The following ZC3HAV1 variants were observed in gnomAD, a reference collection of about 807,000 sequenced individuals.
The protein encoded by ZC3HAV1 is zinc finger CCCH-type antiviral protein 1.
Under a neutral mutation model 86.6 loss-of-function variants are expected in ZC3HAV1, and 41 were observed. The ratio of observed to expected loss-of-function variants is 0.47; its 90% CI spans 0.37 to 0.61. The LOEUF is 0.61. Among genes scored for constraint, ZC3HAV1 ranks in the 20% least tolerant of loss-of-function variants. The pLI, the probability that ZC3HAV1 is intolerant of heterozygous loss-of-function variation, is 0.00. For missense variants in ZC3HAV1, 964 were observed against 1,141.1 expected, an observed-to-expected ratio of 0.84 and a Z score of 2.24; for synonymous variants, 421 against 432.1, an observed-to-expected ratio of 0.97 and a Z score of 0.32.
In ZC3HAV1 at chr7:139,076,383, G is replaced by C; in HGVS notation, c.1600C>G (p.Leu534Val). The C allele has an allele frequency of 6.2e-7, 1 of 1,614,142 alleles. No individual in the cohort carries two copies. Among genetic ancestry groups the C allele is most frequent in the Non-Finnish European group, 8.5e-7 (1 of 1,180,010 alleles). ...ATAAGCATCTGCCACCGGTAAGGCA[G>C]ATGGAAGTGGACTTTGCTGCAGCTA... is the stretch of plus-strand genomic sequence containing the variant. ...NGSCSKVHFHLPYRWQMLIGK... is the reference protein window; with the variant it reads ...NGSCSKVHFHVPYRWQMLIGK... Residue 534 changes from leucine to valine, a missense_variant, in exon 6 of 13, where the codon CTG (leucine) becomes GTG (valine). Leu to Val is a conservative substitution (Grantham distance 32, BLOSUM62 1). Transcript: ENST00000242351.
chr7:139,102,374 C>A lies in ZC3HAV1; in HGVS notation c.308+6650G>T, dbSNP rs577827663. ...CGAACCCCTGACTTCAAGAGATTCT[C>A]CCACCTCGGCCTCTTGAAGTACTGG... On this transcript the variant is annotated intron_variant, in intron 1 of 12. Transcript: ENST00000242351. 5.9e-5 allele frequency among the ~76,000 whole-genome samples: 9 copies of A among 152,242 alleles called. No individual in the cohort carries two copies. The South Asian group carries it at 1.9e-3, about 32-fold the overall frequency.
chr7:139,089,487 A>T, intron 2 of ZC3HAV1, 137 bp downstream of exon 2: 1 of 1,133,874 alleles, frequency 8.8e-7, no homozygotes, highest in Non-Finnish European at 1.2e-6. Context: ...CTCTTAGTTC[A>T]CTCAATAACA....
intron 1 of ZC3HAV1, among the ~76,000 whole-genome samples, chr7:139,095,636 G>A (rs778122680): frequency 3.9e-5 from 6 of 152,210 alleles, no homozygotes; most frequent in East Asian, 1.9e-4. Context: ...AGGGGAGGCC[G>A]GAGGCCAAGA....
At chr7:139,097,024 AGGTGGGAGGATTGCTT>A (rs937370876) in intron 1 of ZC3HAV1, among the ~76,000 whole-genome samples, 109 of 151,968 alleles carry the variant, frequency 7.2e-4, no homozygotes, top group African/African-American at 2.3e-3. Context: ...TTCAGAGCTG[AGGTGGGAGGATTGCTT>A]GGTGGGAGGA....
intron 1 of ZC3HAV1, among the ~76,000 whole-genome samples, chr7:139,105,122 G>C (rs909446489): frequency 1.3e-5 from 2 of 152,018 alleles, no homozygotes; most frequent in African/African-American, 2.4e-5. Context: ...GCTGAGGGAG[G>C]AGGATCATCT....
At chr7:139,079,002 T>C (rs1817040056) in intron 4 of ZC3HAV1, 12 of 1,460,880 alleles carry the variant, frequency 8.2e-6, no homozygotes, top group South Asian at 4.0e-5. Flanking sequence ...TCTAACTCTC[T>C]ACCCTTTAAG....
intron 1 of ZC3HAV1, among the ~76,000 whole-genome samples, chr7:139,100,489 G>T (rs1434965984): frequency 6.6e-6 from 1 of 151,578 alleles, no homozygotes; most frequent in South Asian, 2.1e-4. Flanking sequence ...AACCGAGATT[G>T]CACCACTGCA....
At chr7:139,077,351 C>A (rs1816982771) in intron 5 of ZC3HAV1, among the ~76,000 whole-genome samples, 1 of 152,196 alleles carries the variant, frequency 6.6e-6, no homozygotes. Flanking sequence ...TCAAGAAATT[C>A]TCCTGCCTCA....
chr7:139,047,733 T>C lies in ZC3HAV1; in HGVS notation c.2570A>G (p.Tyr857Cys). 1 of 1,614,210 alleles carries C rather than the reference T, an allele frequency of 6.2e-7. No individual in the cohort carries two copies. The highest frequency in any genetic ancestry group is 1.6e-4 in the Middle Eastern group (1 of 6,062). The change falls in exon 13 of 13, where the codon TAC becomes TGC. Residue 857 changes from tyrosine (Y) to cysteine (C), a missense_variant. Transcript: ENST00000242351. ...VGKFTEGNIT[Y>C]TSPPPQFDSC... ...GTCGAACTGTGGAGGAGGGCTCGTG[T>C]ACGTTATATTTCCTTCAGTAAACTT...
In ZC3HAV1 at chr7:139,097,591, C is replaced by T. The variant is rs6947438; in HGVS notation, c.309-7832G>A. 8.1e-3 allele frequency among the ~76,000 whole-genome samples: 1,202 copies of T among 149,034 alleles called. 22 individuals are homozygous for T. The highest frequency in any genetic ancestry group is 0.028 in the African/African-American group (1,144 of 40,396). On this transcript the variant is annotated intron_variant, in intron 1 of 12. Coordinates refer to ENST00000242351, the MANE Select transcript of ZC3HAV1 (RefSeq NM_020119.4). ...CTGGGATTACAGGTGCCCGCCACCACGCTCGGCTAATTTTTTGTATTTTTA... is the reference window on the plus strand; with the variant it reads ...CTGGGATTACAGGTGCCCGCCACCATGCTCGGCTAATTTTTTGTATTTTTA...
intron 1 of ZC3HAV1, among the ~76,000 whole-genome samples, chr7:139,096,085 G>C (rs932208553): frequency 3.9e-5 from 6 of 152,162 alleles, no homozygotes; most frequent in African/African-American, 1.4e-4. Flanking sequence ...CGCAATCTCA[G>C]CTCACCGCAA....
intron 7 of ZC3HAV1, among the ~76,000 whole-genome samples, chr7:139,073,162 G>T (rs191572011): frequency 0.012 from 1,894 of 152,128 alleles, 43 homozygotes; most frequent in African/African-American, 0.043. Context: ...TGGGTGTGGT[G>T]GTGGTGCATG....
intron 9 of ZC3HAV1, among the ~76,000 whole-genome samples, chr7:139,058,046 T>TC (rs999257947): frequency 6.6e-6 from 1 of 151,642 alleles, no homozygotes; most frequent in Non-Finnish European, 1.5e-5. Context: ...CACTTCTATG[T>TC]CCCACTGTAG....
chr7:139,062,521 T>C (rs760191652), intron 8 of ZC3HAV1, among the ~76,000 whole-genome samples: 2 of 152,214 alleles, frequency 1.3e-5, no homozygotes, highest in Non-Finnish European at 2.9e-5. Context: ...ACTGTTTCAT[T>C]TTCTCCACCG....
At chr7:139,091,029 C>T (rs1189131807) in intron 1 of ZC3HAV1, among the ~76,000 whole-genome samples, 4 of 152,122 alleles carry the variant, frequency 2.6e-5, no homozygotes, top group Non-Finnish European at 4.4e-5. Context: ...ACCCTGTGAC[C>T]CTGGCTTCCT....
intron 9 of ZC3HAV1, among the ~76,000 whole-genome samples, chr7:139,056,796 C>A (rs1338863225): frequency 6.6e-6 from 1 of 152,118 alleles, no homozygotes; most frequent in Non-Finnish European, 1.5e-5. Context: ...ACAAATCAAC[C>A]AAACACAATG....
At position 139,079,811 on chromosome 7, in the gene ZC3HAV1, AAC is replaced by A. The variant is rs1195701070; in HGVS notation, c.1128_1129del (p.Pro379HisfsTer16). 3.7e-6 allele frequency: 6 copies of A among 1,613,996 alleles called. No individual in the cohort carries two copies. The highest frequency in any genetic ancestry group is 2.2e-5 in the East Asian group (1 of 44,892). ...GCGGGCGGCAGGTAGCGTGGGAGAA[AAC>A]ACAGTCTTTCTCCTGGCGCCTTGGT... On this transcript the variant is annotated frameshift_variant, in exon 4 of 13. Transcript: ENST00000242351. LOFTEE classifies it high-confidence loss of function.
chr7:139,053,399 T>C, intron 12 of ZC3HAV1, 52 bp downstream of exon 12: 5 of 1,498,540 alleles, frequency 3.3e-6, no homozygotes, highest in East Asian at 4.7e-5. Flanking sequence ...GAAGCACATA[T>C]AAAGCCCGAG....
At position 139,083,732 on chromosome 7, in the gene ZC3HAV1, A is replaced by AG. The variant is rs748353207; in HGVS notation, c.697+47_697+48insC. ...ACAGAGAGAGACTCTGTCTCAAAAA[A>AG]AAAAAAAAAAAAAGAGTTCACACAA... On this transcript the variant is annotated intron_variant, in intron 3 of 12. Coordinates refer to ENST00000242351, the MANE Select transcript of ZC3HAV1 (RefSeq NM_020119.4). 349 of 1,496,664 alleles carry AG rather than the reference A, an allele frequency of 2.3e-4. No individual in the cohort carries two copies. In the East Asian group the frequency reaches 6.6e-3, roughly 28 times the overall value. The allele number at this position is 1,496,664 out of a possible 1,614,324, so 92.7% of individuals were successfully genotyped here.
Sources: allele counts gnomAD v4.1 joint callset (sites outside exome capture counted in the v4.1 genomes callset), GRCh38; gene constraint gnomAD v4.1.1; transcripts MANE v1.5; gene names NCBI Gene and HGNC (gene_info 2026-07-23, HGNC 2026-07-21).